The following BPIFC variants were observed in gnomAD, a reference collection of about 807,000 sequenced individuals.
BPIFC encodes BPI fold-containing family C protein.
In BPIFC, 60 loss-of-function variants were observed where a neutral mutation model predicts 57.6. The ratio of observed to expected loss-of-function variants is 1.04; its 90% CI spans 0.85 to 1.29. The LOEUF (loss-of-function observed/expected upper bound fraction) is 1.29, where lower values mean the gene tolerates loss of function less well. BPIFC is among the 50% of genes most tolerant of loss of function. The probability of loss-of-function intolerance (pLI) is 0.00; values close to 1 mark genes in which losing one functional copy is unlikely to be tolerated. For missense variants in BPIFC, 581 were observed against 600.5 expected (o/e 0.97, Z 0.34); for synonymous variants, 243 against 224.5 (o/e 1.08, Z -0.74).
chr22:32,442,664 G>A lies in BPIFC; in HGVS notation c.655+7C>T, dbSNP rs374241995. ...AACCATCTGGAAAAGACAGTTCTAA[G>A]ACTCACCCTCCAGTGTGCTGAGGTT... is the stretch of plus-strand genomic sequence containing the variant. On this transcript the variant is annotated splice_region_variant and intron_variant, in intron 8 of 16. Transcript: ENST00000300399. 42 of 1,612,468 alleles carry A rather than the reference G, an allele frequency of 2.6e-5. No homozygotes were observed. The highest frequency in any genetic ancestry group is 6.8e-6 in the Non-Finnish European group (8 of 1,178,734).
chr22:32,435,655 A>G (rs1050487834), intron 10 of BPIFC, 49 bp downstream of exon 10: 2 of 1,559,546 alleles, frequency 1.3e-6, no homozygotes, highest in Admixed American at 3.8e-5. Flanking sequence ...ATACTTATAA[A>G]AAGGCTGAAT....
intron 10 of BPIFC, 110 bp from the exon 11 acceptor site, chr22:32,433,882 A>G: frequency 1.1e-6 from 1 of 926,784 alleles, no homozygotes; most frequent in Non-Finnish European, 1.7e-6. Context: ...GTTACACCAT[A>G]AAATATTCAG....
At chr22:32,434,108 A>G (rs927209032) in intron 10 of BPIFC, among the ~76,000 whole-genome samples, 1 of 149,258 alleles carries the variant, frequency 6.7e-6, no homozygotes, top group Non-Finnish European at 1.5e-5. Flanking sequence ...CTATATGTAC[A>G]TATTCTTTAT....
chr22:32,414,976 T>A (rs1933627751), intron 16 of BPIFC, among the ~76,000 whole-genome samples: 1 of 152,174 alleles, frequency 6.6e-6, no homozygotes, highest in African/African-American at 2.4e-5. Context: ...TGCACGGTAG[T>A]GTAGGGCAGC....
intron 1 of BPIFC, among the ~76,000 whole-genome samples, chr22:32,462,352 T>G (rs565305858): frequency 6.6e-6 from 1 of 152,122 alleles, no homozygotes; most frequent in East Asian, 1.9e-4. Flanking sequence ...CAAATTAATA[T>G]GTGCTAACTG....
At position 32,461,660 on chromosome 22, in the gene BPIFC, T is replaced by C; in HGVS notation, c.-87A>G. On this transcript the variant is annotated splice_region_variant and 5_prime_UTR_variant, in exon 2 of 17. Transcript: ENST00000300399. ...TTGCCCTTGGAGGTTAGTCAAGGTG[T>C]CCTGGAAAGGGGGATAAGTAGAGAT... is the stretch of plus-strand genomic sequence containing the variant. 1.0e-6 allele frequency: 1 copy of C among 985,388 alleles called. No individual in the cohort carries two copies. Among genetic ancestry groups the C allele is most frequent in the Non-Finnish European group, 1.2e-6 (1 of 829,928 alleles). 61.0% of individuals were successfully genotyped at this position (985,388 alleles called of 1,614,324 possible).
intron 7 of BPIFC, among the ~76,000 whole-genome samples, chr22:32,443,353 C>T (rs367653534): frequency 2.6e-5 from 4 of 152,012 alleles, no homozygotes; most frequent in South Asian, 2.1e-4. Context: ...TTAGTAGAGA[C>T]GGGGTTTCAC....
intron 13 of BPIFC, among the ~76,000 whole-genome samples, chr22:32,428,872 C>T (rs953095724): frequency 6.6e-6 from 1 of 151,928 alleles, no homozygotes; most frequent in African/African-American, 2.4e-5. Context: ...GCACTCCAGC[C>T]TGGGTGACAG....
At chr22:32,431,439 A>ATTTATTTATTTTATT in intron 12 of BPIFC, 25 bp from the exon 13 acceptor site, 5 of 1,343,054 alleles carry the variant, frequency 3.7e-6, no homozygotes, top group Non-Finnish European at 4.2e-6. Flanking sequence ...AGCATTTATT[A>ATTTATTTATTTTATT]TTAAGACGAG....
chr22:32,416,560 C>G (rs1195403992), intron 15 of BPIFC, among the ~76,000 whole-genome samples: 15 of 152,068 alleles, frequency 9.9e-5, no homozygotes, highest in Admixed American at 9.8e-4. Flanking sequence ...TTTAGCCTAC[C>G]CGATGTATAT....
intron 3 of BPIFC, among the ~76,000 whole-genome samples, chr22:32,455,209 C>T (rs1160136098): frequency 2.0e-5 from 3 of 151,968 alleles, no homozygotes; most frequent in Non-Finnish European, 4.4e-5. Flanking sequence ...TGCCACAATG[C>T]CCAGTTAATT....
intron 7 of BPIFC, among the ~76,000 whole-genome samples, chr22:32,444,522 A>G (rs932702386): frequency 6.6e-6 from 1 of 151,976 alleles, no homozygotes; most frequent in African/African-American, 2.4e-5. Context: ...CCCTGTCCTT[A>G]TCTCCCCCAA....
At chr22:32,414,739 C>A (rs1933620969) in intron 16 of BPIFC, among the ~76,000 whole-genome samples, 3 of 152,088 alleles carry the variant, frequency 2.0e-5, no homozygotes, top group Non-Finnish European at 4.4e-5. Flanking sequence ...GTCTCGAACT[C>A]CTGACCACCT....
chr22:32,424,569 T>TTTTC (rs1426158333), intron 13 of BPIFC, among the ~76,000 whole-genome samples: 15 of 126,942 alleles, frequency 1.2e-4, no homozygotes, highest in Non-Finnish European at 2.1e-4. Context: ...TTAAGTGTTA[T>TTTTC]TTTCTTTCTT....
rs372680562 is a variant in BPIFC, at chr22:32,459,656, C to T, written c.-1+1918G>A. Among the ~76,000 whole-genome samples, 162 of 151,502 alleles carry T rather than the reference C, an allele frequency of 1.1e-3. 5 individuals are homozygous for T. The South Asian group carries it at 0.031, about 29-fold the overall frequency. On this transcript the variant is annotated intron_variant, in intron 2 of 16. Coordinates refer to ENST00000300399, the MANE Select transcript of BPIFC (RefSeq NM_174932.3). Reference sequence around the variant, plus strand: ...CCAGCCTGGGCGACAGAGTGAGACTCCATTTCCAAAAATAAAAAATAAAAA... The same window carrying T: ...CCAGCCTGGGCGACAGAGTGAGACTTCATTTCCAAAAATAAAAAATAAAAA...
intron 1 of BPIFC, among the ~76,000 whole-genome samples, chr22:32,463,494 G>A (rs1217029557): frequency 6.6e-6 from 1 of 152,126 alleles, no homozygotes; most frequent in East Asian, 1.9e-4. Context: ...CTAAGAAAAT[G>A]CCAGTCCAAT....
chr22:32,444,511 T>A (rs1198675435), intron 7 of BPIFC, among the ~76,000 whole-genome samples: 1 of 152,158 alleles, frequency 6.6e-6, no homozygotes, highest in Non-Finnish European at 1.5e-5. Context: ...TTCCTCCTCA[T>A]CCCTGTCCTT....
At chr22:32,433,450 TTAAAC>T (rs925350460) in intron 11 of BPIFC, among the ~76,000 whole-genome samples, 9 of 152,196 alleles carry the variant, frequency 5.9e-5, no homozygotes, top group Admixed American at 1.3e-4. Flanking sequence ...AATCCTTTAT[TTAAAC>T]TAATTATTTC....
intron 14 of BPIFC, 24 bp downstream of exon 14, chr22:32,419,338 A>C: frequency 6.2e-7 from 1 of 1,604,922 alleles, no homozygotes; most frequent in Non-Finnish European, 8.5e-7. Flanking sequence ...AGTGCTTGGT[A>C]ACCCCAAGAG....
Sources: gnomAD v4.1 joint callset for allele counts (sites outside exome capture counted in the v4.1 genomes callset) on GRCh38, gnomAD v4.1.1 for gene constraint, MANE v1.5 for transcripts, NCBI Gene and HGNC (gene_info 2026-07-23, HGNC 2026-07-21) for gene names.